The following PLXNB1 variants were observed in gnomAD, a reference collection of about 807,000 sequenced individuals.
PLXNB1 encodes the protein plexin-B1.
Under a neutral mutation model 209.4 loss-of-function variants are expected in PLXNB1, and 106 were observed. The ratio of observed to expected loss-of-function variants is 0.51; its 90% CI spans 0.43 to 0.59. The LOEUF (loss-of-function observed/expected upper bound fraction) is 0.59. Ranked by LOEUF, PLXNB1 falls within the 20% of genes least tolerant of loss-of-function variation. The pLI is 0.00. For missense variants in PLXNB1, 2,357 were observed against 2,853.2 expected (o/e 0.83, Z 3.96); for synonymous variants, 1,167 against 1,183.2 (o/e 0.99, Z 0.28).
In PLXNB1 at chr3:48,418,961, G is replaced by A. The variant is rs1450288644; in HGVS notation, c.2911C>T (p.Pro971Ser). ...ACATGGCACTGGGTATCTGGAGGTG[G>A]CTCACACTCGACCCGGGCCTCAACC... The part of the protein sequence containing the change: ...VVVEARVECE[P>S]PPDTQCHVTC... Residue 971 changes from proline (P) to serine (S), a missense_variant, in exon 13 of 38, where the codon CCA becomes TCA. Coordinates refer to ENST00000296440, the MANE Select transcript of PLXNB1 (RefSeq NM_001130082.3). The surrounding 1 kb of genome is among the most constrained non-coding windows in gnomAD (Gnocchi z 6.6). The A allele has an allele frequency of 6.2e-7, 1 of 1,614,022 alleles. No homozygotes were observed. The highest frequency in any genetic ancestry group is 8.5e-7 in the Non-Finnish European group (1 of 1,179,990).
In PLXNB1 at chr3:48,413,595, G is replaced by A; in HGVS notation, c.4535+75C>T. 6.9e-7 allele frequency: 1 copy of A among 1,441,376 alleles called. No homozygotes were observed. Among genetic ancestry groups the A allele is most frequent in the Non-Finnish European group, 9.4e-7 (1 of 1,066,280 alleles). The allele number at this position is 1,441,376 out of a possible 1,614,324, so 89.3% of individuals were successfully genotyped here. A position where few individuals can be genotyped will look rare whatever the true frequency, so the allele number is the denominator to read the frequency against. On this transcript the variant is annotated intron_variant, in intron 23 of 37. Transcript: ENST00000296440. This position sits in a 1 kb window ranked among gnomAD's most constrained non-coding sequence, Gnocchi z 5.4. The stretch of plus-strand genomic sequence containing the variant: ...TTACAGAGAATGTTTCCTGACTCCT[G>A]GCCCGGTCTGTCCCTTCCCAGTCCA...
chr3:48,421,749 G>A lies in PLXNB1; in HGVS notation c.1578C>T (p.Ser526=). Reference sequence around the variant, plus strand: ...GCAGACAGCCCAGCTCAGGCTGGAAGCTCCATAGCCACTGCTCTGGGCCCT... The same window carrying A: ...GCAGACAGCCCAGCTCAGGCTGGAAACTCCATAGCCACTGCTCTGGGCCCT... ...RGQGPEQWLW[S]FQPELGCLQV... Residue 526 remains serine, a synonymous_variant, in exon 7 of 38, where the codon AGC becomes AGT. Coordinates refer to ENST00000296440, the MANE Select transcript of PLXNB1 (RefSeq NM_001130082.3). 1 of 1,610,762 alleles carries A rather than the reference G, an allele frequency of 6.2e-7. No homozygotes were observed. The highest frequency in any genetic ancestry group is 1.7e-5 in the Admixed American group (1 of 59,974).
Position 48,404,268 on chromosome 3 carries a change from G to C in PLXNB1, c.*218C>G, listed in dbSNP as rs1035989985. The C allele has an allele frequency of 2.1e-5, 11 of 534,790 alleles. No individual in the cohort carries two copies. The East Asian group carries it at 3.4e-4, about 16-fold the overall frequency. The allele number at this position is 534,790 out of a possible 1,614,324, so 33.1% of individuals were successfully genotyped here. On this transcript the variant is annotated 3_prime_UTR_variant, in exon 38 of 38. Transcript: ENST00000296440. ...CCGGTGTCACAGGGTCGCTGGACTC[G>C]GGGAGCAGGCTGGGTACTACCCCAT...
chr3:48,406,587 A>AT lies in PLXNB1; in HGVS notation c.6228+235dup, dbSNP rs1156411404. The AT allele has an allele frequency of 1.5e-6, 2 of 1,345,202 alleles. No homozygotes were observed. Among genetic ancestry groups the AT allele is most frequent in the African/African-American group, 3.0e-5 (2 of 67,642 alleles). The allele number at this position is 1,345,202 out of a possible 1,614,324, so 83.3% of individuals were successfully genotyped here. On this transcript the variant is annotated intron_variant, in intron 36 of 37. Transcript: ENST00000296440. This position sits in a 1 kb window ranked among gnomAD's most constrained non-coding sequence, Gnocchi z 4.4. Reference sequence around the variant, plus strand: ...AGCTACCTTGCAAGAGCCTGGCTGAATCAGGGTACATGGCAGCTGCCAGGA... The same window carrying AT: ...AGCTACCTTGCAAGAGCCTGGCTGAATTCAGGGTACATGGCAGCTGCCAGGA...
rs546655517 is a variant in PLXNB1, at chr3:48,413,942, G to T, written c.4339C>A (p.Arg1447=). 1.2e-4 allele frequency: 197 copies of T among 1,612,940 alleles called. No individual in the cohort carries two copies. The highest frequency in any genetic ancestry group is 2.0e-4 in the African/African-American group (15 of 75,048). The change falls in exon 22 of 38, where the codon CGG becomes AGG. Residue 1447 remains arginine, a synonymous_variant. Coordinates refer to ENST00000296440, the MANE Select transcript of PLXNB1 (RefSeq NM_001130082.3). This position sits in a 1 kb window ranked among gnomAD's most constrained non-coding sequence, Gnocchi z 5.4. ...GGTGCCTCTCGGAGGGCATGGTGCC[G>T]TGGCAGGGGCTGCTCCACGGGGGGC... ...CEPPVEQPLP[R]HHALREAPDS...
At position 48,404,519 on chromosome 3, in the gene PLXNB1, T is replaced by C. The variant is rs371837904; in HGVS notation, c.6375A>G (p.Ala2125=). ...MQLGYRLQQI[A]AAVENKVTDL ...CTGTGACCTTGTTTTCCACAGCAGCTGCAATCTGCTGGAGCCGATAGCCCA... is the reference window on the plus strand; with the variant it reads ...CTGTGACCTTGTTTTCCACAGCAGCCGCAATCTGCTGGAGCCGATAGCCCA... The change falls in exon 38 of 38, where the codon GCA becomes GCG. Residue 2125 remains alanine, a synonymous_variant. Transcript: ENST00000296440. 5 of 1,613,586 alleles carry C rather than the reference T, an allele frequency of 3.1e-6. No individual in the cohort carries two copies. In the African/African-American group the frequency reaches 6.7e-5, roughly 22 times the overall value.
Position 48,419,774 on chromosome 3 carries a change from C to T in PLXNB1, c.2512G>A (p.Ala838Thr), listed in dbSNP as rs146123448. 9.4e-6 allele frequency: 15 copies of T among 1,603,782 alleles called. No individual in the cohort carries two copies. Among genetic ancestry groups the T allele is most frequent in the South Asian group, 5.6e-5 (5 of 89,694 alleles). Reference protein sequence around the residue: ...FPGAMGSVKPALDWLTREGGE... With the variant: ...FPGAMGSVKPTLDWLTREGGE... ...CCTTCTCTCGTGAGCCAGTCCAGGG[C>T]GGGCTTCACGGAGCCCATGGCCCCT... Residue 838 changes from alanine (A) to threonine (T), a missense_variant, in exon 11 of 38, where the codon GCC becomes ACC. Around this residue, in one of 7 missense-constraint regions of PLXNB1, gnomAD observed 410 missense variants for 401.0 expected, o/e 1.02. Transcript: ENST00000296440. This position sits in a 1 kb window ranked among gnomAD's most constrained non-coding sequence, Gnocchi z 5.7.
rs953752143 is a variant in PLXNB1, at chr3:48,411,460, A to G, written c.5247+403T>C. ...CCCACAGGAACCCTTGTGCGTAACTAAGGGGAAAGCAAACCCAGAGAGAAG... is the reference window on the plus strand; with the variant it reads ...CCCACAGGAACCCTTGTGCGTAACTGAGGGGAAAGCAAACCCAGAGAGAAG... On this transcript the variant is annotated intron_variant, in intron 28 of 37. Transcript: ENST00000296440. The surrounding 1 kb of genome is among the most constrained non-coding windows in gnomAD (Gnocchi z 4.0). Among the ~76,000 whole-genome samples the G allele has an allele frequency of 1.3e-5, 2 of 152,152 alleles. No individual in the cohort carries two copies. Among genetic ancestry groups the G allele is most frequent in the African/African-American group, 4.8e-5 (2 of 41,418 alleles).
At position 48,411,525 on chromosome 3, in the gene PLXNB1, A is replaced by C. The variant is rs750599695; in HGVS notation, c.5247+338T>G. On this transcript the variant is annotated intron_variant, in intron 28 of 37. Coordinates refer to ENST00000296440, the MANE Select transcript of PLXNB1 (RefSeq NM_001130082.3). This position sits in a 1 kb window ranked among gnomAD's most constrained non-coding sequence, Gnocchi z 4.0. ...AGGCTGGCTTGGTGGGCAAGGCCGC[A>C]TTCCTGGTAGGAGGGCCAGGCAGAC... Among the ~76,000 whole-genome samples the C allele has an allele frequency of 1.3e-5, 2 of 152,192 alleles. No homozygotes were observed. The highest frequency in any genetic ancestry group is 2.9e-5 in the Non-Finnish European group (2 of 68,018).
chr3:48,422,738 A>G, intron 4 of PLXNB1, 27 bp downstream of exon 4: 1 of 1,604,136 alleles, frequency 6.2e-7, no homozygotes, highest in Non-Finnish European at 8.5e-7. Flanking sequence ...ACTCTGGGGC[A>G]GGGGCCAGTA....
Position 48,424,132 on chromosome 3 carries a change from C to G in PLXNB1, c.480G>C (p.Leu160Phe), listed in dbSNP as rs370767561. ...CCACAAACAGGAGGGGCTCCCCTGCCAAGCCCTGGGCTACCAGCCCCACCG... is the reference window on the plus strand; with the variant it reads ...CCACAAACAGGAGGGGCTCCCCTGCGAAGCCCTGGGCTACCAGCCCCACCG... Reference protein sequence around the residue: ...VSTVGLVAQGLAGEPLLFVGR... With the variant: ...VSTVGLVAQGFAGEPLLFVGR... The change falls in exon 3 of 38, where the codon TTG becomes TTC. Residue 160 changes from leucine (L) to phenylalanine (F), a missense_variant. Leu to Phe is a conservative substitution (Grantham distance 22). This residue lies in a region of PLXNB1 where 404 missense variants were observed against 443.6 expected (regional missense o/e 0.91). Transcript: ENST00000296440. The G allele has an allele frequency of 8.3e-6, 13 of 1,557,554 alleles. No homozygotes were observed. In the African/African-American group the frequency reaches 1.6e-4, roughly 20 times the overall value.
Position 48,420,737 on chromosome 3 carries a change from G to A in PLXNB1, c.1956C>T (p.Asn652=), listed in dbSNP as rs761708253. The change falls in exon 10 of 38, where the codon AAC becomes AAT. Residue 652 remains asparagine, a synonymous_variant. Transcript: ENST00000296440. ...QACVSSRWGC[N]WCVWQHLCTH... ...TGCACAGGTGCTGCCAGACACACCA[G>A]TTACACCCCCAGCGGCTGCTCACAC... The A allele has an allele frequency of 2.8e-5, 45 of 1,614,034 alleles. No homozygotes were observed. In the Admixed American group the frequency reaches 7.5e-4, roughly 27 times the overall value.
chr3:48,420,968 G>T lies in PLXNB1; in HGVS notation c.1811-12C>A, dbSNP rs781336724. 6.2e-7 allele frequency: 1 copy of T among 1,603,858 alleles called. No individual in the cohort carries two copies. Among genetic ancestry groups the T allele is most frequent in the Non-Finnish European group, 8.5e-7 (1 of 1,171,266 alleles). On this transcript the variant is annotated splice_polypyrimidine_tract_variant and intron_variant, in intron 8 of 37. Transcript: ENST00000296440. ...CACGGATACGTAGTCTGCAGAGGGG[G>T]AGAGAGGGCCAGGGTTAAGCAGCAA...
intron 1 of PLXNB1, among the ~76,000 whole-genome samples, chr3:48,426,959 C>A (rs1350136692): frequency 2.6e-5 from 4 of 152,164 alleles, no homozygotes; most frequent in Non-Finnish European, 4.4e-5. Flanking sequence ...TTGCAAGGGG[C>A]TACTGTTCAA....
At chr3:48,427,103 CA>C (rs1321685833) in intron 1 of PLXNB1, among the ~76,000 whole-genome samples, 1 of 151,992 alleles carries the variant, frequency 6.6e-6, no homozygotes, top group Non-Finnish European at 1.5e-5. Flanking sequence ...CCTCAAGGGG[CA>C]GTAACAAAAC....
chr3:48,410,106 C>A lies in PLXNB1; in HGVS notation c.5606-29G>T, dbSNP rs1177989088. 1 of 1,549,394 alleles carries A rather than the reference C, an allele frequency of 6.5e-7. No homozygotes were observed. Among genetic ancestry groups the A allele is most frequent in the Non-Finnish European group, 8.7e-7 (1 of 1,143,748 alleles). ...TGCCAAGAGCCCACAGCTGTCACCC[C>A]TCCCCAGGTGCCACCTCCCCAGGCC... On this transcript the variant is annotated intron_variant, in intron 31 of 37. Transcript: ENST00000296440. This position sits in a 1 kb window ranked among gnomAD's most constrained non-coding sequence, Gnocchi z 6.4.
At position 48,422,857 on chromosome 3, in the gene PLXNB1, A is replaced by T; in HGVS notation, c.1198T>A (p.Trp400Arg). Reference sequence around the variant, plus strand: ...ACAGCTGTTAGCTGAATCCCTGGCCACTCCAGAATTGGTGTGGCTTCCAGC... The same window carrying T: ...ACAGCTGTTAGCTGAATCCCTGGCCTCTCCAGAATTGGTGTGGCTTCCAGC... ...VPLEATPILE[W>R]PGIQLTAVAV... is the part of the protein sequence containing the mutation. Residue 400 changes from tryptophan (W) to arginine (R), a missense_variant, in exon 4 of 38, where the codon TGG becomes AGG. Trp to Arg is a moderately radical substitution (Grantham distance 101). Around this residue, in one of 7 missense-constraint regions of PLXNB1, gnomAD observed 404 missense variants for 443.6 expected, o/e 0.91. Transcript: ENST00000296440. 1 of 1,613,946 alleles carries T rather than the reference A, an allele frequency of 6.2e-7. No individual in the cohort carries two copies. Among genetic ancestry groups the T allele is most frequent in the Non-Finnish European group, 8.5e-7 (1 of 1,179,930 alleles).
At chr3:48,407,502 G>A (rs1158577975) in intron 34 of PLXNB1, among the ~76,000 whole-genome samples, 1 of 152,198 alleles carries the variant, frequency 6.6e-6, no homozygotes, top group African/African-American at 2.4e-5. Context: ...GCTGAGCTAG[G>A]ATTTGAAGCA....
Position 48,413,698 on chromosome 3 carries a change from C to A in PLXNB1, c.4507G>T (p.Gly1503Cys), listed in dbSNP as rs964344942. The change falls in exon 23 of 38, where the codon GGT becomes TGT. Residue 1503 changes from glycine (G) to cysteine (C), a missense_variant. Transcript: ENST00000296440. This position sits in a 1 kb window ranked among gnomAD's most constrained non-coding sequence, Gnocchi z 5.4. ...TACATGAGGACAATGATGATGACAC[C>A]CAGAGCCAGAAGAGAGGTGCCCACC... ...LGVGTSLLALGVIIIVLMYRR... is the reference protein window; with the variant it reads ...LGVGTSLLALCVIIIVLMYRR... The A allele has an allele frequency of 1.9e-6, 3 of 1,613,390 alleles. No individual in the cohort carries two copies. Among genetic ancestry groups the A allele is most frequent in the Admixed American group, 1.7e-5 (1 of 59,966 alleles).
Sources: allele counts gnomAD v4.1 joint callset (sites outside exome capture counted in the v4.1 genomes callset), GRCh38; gene constraint gnomAD v4.1.1; regional missense constraint gnomAD v4.1.1; non-coding constraint Gnocchi (gnomAD v3.1); transcripts MANE v1.5; gene names NCBI Gene and HGNC (gene_info 2026-07-23, HGNC 2026-07-21).